FMO1: variants seen among roughly 807,000 people sequenced by gnomAD.
FMO1 encodes the protein flavin-containing monooxygenase 1.
A neutral mutation model predicts 45.4 loss-of-function variants in FMO1; 36 were observed. The ratio of observed to expected loss-of-function variants is 0.79; its 90% CI spans 0.61 to 1.05. The LOEUF is 1.05. Among genes scored for constraint, FMO1 ranks in the 50% least tolerant of loss-of-function variants. The probability of loss-of-function intolerance (pLI) is 0.00; values close to 1 mark genes in which losing one functional copy is unlikely to be tolerated. For synonymous variants in FMO1, 228 were observed against 227.2 expected, an observed-to-expected ratio of 1.00 and a Z score of -0.03; for missense variants, 615 against 640.3, an observed-to-expected ratio of 0.96 and a Z score of 0.43.
chr1:171,284,388 A>C (rs16864332), intron 8 of FMO1, among the ~76,000 whole-genome samples: 4,284 of 152,202 alleles, frequency 0.028, 198 homozygotes, highest in African/African-American at 0.095. Flanking sequence ...CCAGTGTAAT[A>C]GATAACTAAT....
At chr1:171,270,498 A>G (rs1660804375) in intron 3 of FMO1, 1 of 848,862 alleles carries the variant, frequency 1.2e-6, no homozygotes, top group African/African-American at 1.8e-5. Flanking sequence ...CAACAATACT[A>G]ATAAAAAATT....
chr1:171,282,835 G>A, intron 7 of FMO1: 1 of 303,692 alleles, frequency 3.3e-6, no homozygotes, highest in Non-Finnish European at 6.0e-6. Context: ...TCAGTTGACT[G>A]AATCAACTGG....
intron 1 of FMO1, among the ~76,000 whole-genome samples, chr1:171,255,666 GC>G (rs1348021796): frequency 2.0e-5 from 3 of 152,022 alleles, no homozygotes; most frequent in Non-Finnish European, 2.9e-5. Context: ...CTTTCTCCAG[GC>G]CCCCCTCTAC....
chr1:171,266,382 T>G (rs1484840197), intron 2 of FMO1, among the ~76,000 whole-genome samples: 1 of 152,210 alleles, frequency 6.6e-6, no homozygotes, highest in Non-Finnish European at 1.5e-5. Context: ...CAGACTATGT[T>G]TGAATAACAC....
intron 2 of FMO1, among the ~76,000 whole-genome samples, chr1:171,261,211 T>G (rs922029916): frequency 1.3e-5 from 2 of 152,136 alleles, no homozygotes; most frequent in Non-Finnish European, 2.9e-5. Flanking sequence ...AAAGCTTGAC[T>G]GGACATTCCT....
chr1:171,274,832 A>G (rs973460135), intron 3 of FMO1, among the ~76,000 whole-genome samples: 2 of 152,154 alleles, frequency 1.3e-5, no homozygotes, highest in African/African-American at 4.8e-5. Context: ...AATGTGGACT[A>G]CTCTCAAAAA....
chr1:171,278,684 T>C lies in FMO1; in HGVS notation c.485-45T>C, dbSNP rs552672493. On this transcript the variant is annotated intron_variant, in intron 4 of 8. Coordinates refer to ENST00000617670, the MANE Select transcript of FMO1 (RefSeq NM_001282693.2). The stretch of plus-strand genomic sequence containing the variant: ...TGAAGAATATTTATGTTTCATTCAC[T>C]GATCCTGTTAATTCTCTGTGTGACT... 6.5e-6 allele frequency: 9 copies of C among 1,395,332 alleles called. No homozygotes were observed. The South Asian group carries it at 1.0e-4, about 16-fold the overall frequency. The allele number at this position is 1,395,332 out of a possible 1,614,324, so 86.4% of individuals were successfully genotyped here. A position where few individuals can be genotyped will look rare whatever the true frequency, so the allele number is the denominator to read the frequency against.
At chr1:171,273,497 C>T (rs774152162) in intron 3 of FMO1, among the ~76,000 whole-genome samples, 1 of 151,968 alleles carries the variant, frequency 6.6e-6, no homozygotes. Context: ...CCACATGCTG[C>T]CCAAGACCTT....
intron 1 of FMO1, among the ~76,000 whole-genome samples, chr1:171,252,272 A>AAT (rs947074170): frequency 2.6e-5 from 4 of 152,108 alleles, no homozygotes; most frequent in Non-Finnish European, 2.9e-5. Context: ...ATGAATGGTT[A>AAT]ATATATATAT....
At chr1:171,256,915 T>C (rs916739164) in intron 1 of FMO1, among the ~76,000 whole-genome samples, 14 of 152,260 alleles carry the variant, frequency 9.2e-5, no homozygotes, top group African/African-American at 3.4e-4. Flanking sequence ...AAAGCTAACA[T>C]CACATAATTT....
chr1:171,278,712 T>C lies in FMO1; in HGVS notation c.485-17T>C, dbSNP rs1421692979. On this transcript the variant is annotated splice_polypyrimidine_tract_variant and intron_variant, in intron 4 of 8. Coordinates refer to ENST00000617670, the MANE Select transcript of FMO1 (RefSeq NM_001282693.2). ...TCCTGTTAATTCTCTGTGTGACTTC[T>C]CTTTTATTTTCTATAGGTATTAATG... 1 of 1,544,502 alleles carries C rather than the reference T, an allele frequency of 6.5e-7. No homozygotes were observed. The highest frequency in any genetic ancestry group is 2.3e-5 in the East Asian group (1 of 43,850).
At position 171,267,710 on chromosome 1, in the gene FMO1, T is replaced by G; in HGVS notation, c.300T>G (p.Leu100=). ...AAATGTATGCAAACCACTTTGACCTTCTGAAACACATTCAATTCAAGGTAA... is the reference window on the plus strand; with the variant it reads ...AAATGTATGCAAACCACTTTGACCTGCTGAAACACATTCAATTCAAGGTAA... The part of the protein sequence containing the change: ...YLKMYANHFD[L]LKHIQFKTKV... Residue 100 remains leucine, a synonymous_variant, in exon 3 of 9, where the codon CTT becomes CTG. Transcript: ENST00000617670. 1 of 1,610,720 alleles carries G rather than the reference T, an allele frequency of 6.2e-7. No individual in the cohort carries two copies. The highest frequency in any genetic ancestry group is 8.5e-7 in the Non-Finnish European group (1 of 1,178,622).
intron 2 of FMO1, among the ~76,000 whole-genome samples, chr1:171,260,388 G>A (rs1412940932): frequency 6.6e-6 from 1 of 152,118 alleles, no homozygotes; most frequent in East Asian, 1.9e-4. Flanking sequence ...AATCCTGGCA[G>A]GAAAAGGGAG....
chr1:171,275,614 GT>G (rs1399889656), intron 4 of FMO1, 106 bp downstream of exon 4: 2 of 811,420 alleles, frequency 2.5e-6, no homozygotes, highest in Non-Finnish European at 3.7e-6. Context: ...AATAGTTAAA[GT>G]TGGGAGGTAG....
intron 1 of FMO1, among the ~76,000 whole-genome samples, chr1:171,254,711 A>G (rs1036395328): frequency 3.9e-5 from 6 of 152,166 alleles, no homozygotes; most frequent in African/African-American, 1.4e-4. Flanking sequence ...GACCACCTCC[A>G]GCCCCTACTC....
At chr1:171,269,439 T>C (rs1386348086) in intron 3 of FMO1, among the ~76,000 whole-genome samples, 1 of 152,194 alleles carries the variant, frequency 6.6e-6, no homozygotes, top group Non-Finnish European at 1.5e-5. Flanking sequence ...TGACTCTTGT[T>C]TGGTTTTTTG....
At chr1:171,259,352 A>G (rs1193220053) in intron 2 of FMO1, among the ~76,000 whole-genome samples, 1 of 152,232 alleles carries the variant, frequency 6.6e-6, no homozygotes, top group Non-Finnish European at 1.5e-5. Context: ...TCATCAATGC[A>G]TGGAGACTGC....
In FMO1 at chr1:171,260,579, G is replaced by T. The variant is rs139995754; in HGVS notation, c.132+2360G>T. ...CCCTCAATTCTATCGAGAAAATATGGCACCTGCAAGGGTAAAGAGGGTGTG... is the reference window on the plus strand; with the variant it reads ...CCCTCAATTCTATCGAGAAAATATGTCACCTGCAAGGGTAAAGAGGGTGTG... On this transcript the variant is annotated intron_variant, in intron 2 of 8. Transcript: ENST00000617670. 1.3e-3 allele frequency among the ~76,000 whole-genome samples: 196 copies of T among 152,216 alleles called. 1 individual carries two copies. Among genetic ancestry groups the T allele is most frequent in the African/African-American group, 4.2e-3 (176 of 41,538 alleles).
chr1:171,261,261 C>A (rs527775687), intron 2 of FMO1, among the ~76,000 whole-genome samples: 2 of 151,854 alleles, frequency 1.3e-5, no homozygotes, highest in South Asian at 4.2e-4. Flanking sequence ...CTCTAATATG[C>A]GATGAGTCTC....
Sources: gnomAD v4.1 joint callset for allele counts (sites outside exome capture counted in the v4.1 genomes callset) on GRCh38, gnomAD v4.1.1 for gene constraint, MANE v1.5 for transcripts, NCBI Gene and HGNC (gene_info 2026-07-23, HGNC 2026-07-21) for gene names.